Variants in ROR1 observed in about 807,000 individuals in gnomAD.
ROR1 encodes ROR family WNT receptor 1, also known as inactive tyrosine-protein kinase transmembrane receptor ROR1.
In ROR1, 19 loss-of-function variants were observed where a neutral mutation model predicts 78.8. The ratio of observed to expected loss-of-function variants is 0.24; its 90% CI spans 0.17 to 0.35. The LOEUF is 0.35. Among genes scored for constraint, ROR1 ranks in the 10% least tolerant of loss-of-function variants. The pLI is 1.00. For missense variants in ROR1, 917 were observed against 1,177.8 expected (o/e 0.78, Z 3.24); for synonymous variants, 386 against 433.6 (o/e 0.89, Z 1.36).
At chr1:63,846,986 G>T (rs1042299596) in intron 1 of ROR1, among the ~76,000 whole-genome samples, 8 of 152,186 alleles carry the variant, frequency 5.3e-5, no homozygotes, top group African/African-American at 1.9e-4. Context: ...TCTCCTCCAG[G>T]CTGGCTTCCG....
chr1:63,779,831 C>A (rs755307436), intron 1 of ROR1, among the ~76,000 whole-genome samples: 1 of 152,086 alleles, frequency 6.6e-6, no homozygotes, highest in Non-Finnish European at 1.5e-5. Flanking sequence ...CCACACCCCC[C>A]AGAACACCCA....
chr1:63,890,188 A>G (rs1645384441), intron 1 of ROR1, among the ~76,000 whole-genome samples: 1 of 152,040 alleles, frequency 6.6e-6, no homozygotes, highest in African/African-American at 2.4e-5. Context: ...TTTAATGTCC[A>G]TACCAAGCAA....
At chr1:63,823,564 CTCAGCTTCCTGAGTA>C (rs1020788932) in intron 1 of ROR1, among the ~76,000 whole-genome samples, 1 of 151,326 alleles carries the variant, frequency 6.6e-6, no homozygotes, top group African/African-American at 2.4e-5. Context: ...ATCTTCCTGC[CTCAGCTTCCTGAGTA>C]TCTGGGACTA....
chr1:63,833,992 T>TC (rs1305508356), intron 1 of ROR1, among the ~76,000 whole-genome samples: 1 of 101,462 alleles, frequency 9.9e-6, no homozygotes, highest in African/African-American at 3.5e-5. Context: ...TTCTTCTTCT[T>TC]TTTTTTTTTT....
intron 1 of ROR1, among the ~76,000 whole-genome samples, chr1:63,795,092 T>C (rs1644751943): frequency 6.6e-6 from 1 of 152,098 alleles, no homozygotes; most frequent in African/African-American, 2.4e-5. Flanking sequence ...AAGCGGACTT[T>C]GTGGTTGGGA....
intron 2 of ROR1, among the ~76,000 whole-genome samples, chr1:64,012,111 A>G (rs1646480296): frequency 6.6e-6 from 1 of 152,322 alleles, no homozygotes; most frequent in East Asian, 1.9e-4. Flanking sequence ...TACTAGTACA[A>G]TGATCTTTGA....
intron 4 of ROR1, among the ~76,000 whole-genome samples, chr1:64,083,963 T>C (rs1569711558): frequency 2.0e-5 from 3 of 152,334 alleles, no homozygotes; most frequent in Admixed American, 1.3e-4. Flanking sequence ...TGGATCTCTG[T>C]CAAGTACTGG....
At chr1:63,828,117 A>G (rs951724554) in intron 1 of ROR1, among the ~76,000 whole-genome samples, 1 of 152,196 alleles carries the variant, frequency 6.6e-6, no homozygotes, top group Non-Finnish European at 1.5e-5. Context: ...AAAAAATTCC[A>G]CTTAATAAAC....
chr1:64,001,103 G>A (rs1035465461), intron 1 of ROR1, among the ~76,000 whole-genome samples: 2 of 152,168 alleles, frequency 1.3e-5, no homozygotes, highest in Non-Finnish European at 1.5e-5. Context: ...TGTTTGCAGC[G>A]AATGGTTAAA....
chr1:64,150,075 T>A (rs1018629690), intron 7 of ROR1, among the ~76,000 whole-genome samples: 3 of 152,234 alleles, frequency 2.0e-5, no homozygotes, highest in Non-Finnish European at 4.4e-5. Context: ...ATTTTTATAT[T>A]TAAACCATGG....
intron 1 of ROR1, among the ~76,000 whole-genome samples, chr1:63,883,496 A>C (rs1645336960): frequency 6.6e-6 from 1 of 152,166 alleles, no homozygotes; most frequent in Non-Finnish European, 1.5e-5. Flanking sequence ...CCCGGGAAAG[A>C]AGGCACCTTC....
intron 1 of ROR1, among the ~76,000 whole-genome samples, chr1:63,807,318 GTC>G (rs1220632860): frequency 1.3e-5 from 2 of 152,216 alleles, no homozygotes; most frequent in African/African-American, 4.8e-5. Flanking sequence ...TTCAGTGCCT[GTC>G]TCTCTGGGGG....
intron 7 of ROR1, among the ~76,000 whole-genome samples, chr1:64,156,918 A>G (rs1339678989): frequency 6.6e-6 from 1 of 152,104 alleles, no homozygotes; most frequent in Non-Finnish European, 1.5e-5. Flanking sequence ...CCGACGATGG[A>G]ATCCCAGCTT....
chr1:64,000,422 G>A (rs1570038890), intron 1 of ROR1, among the ~76,000 whole-genome samples: 3 of 152,152 alleles, frequency 2.0e-5, no homozygotes, highest in Admixed American at 1.3e-4. Context: ...CATCCATTGA[G>A]TCTCCAGTGG....
chr1:64,021,585 G>A (rs1275583400), intron 2 of ROR1, among the ~76,000 whole-genome samples: 2 of 152,232 alleles, frequency 1.3e-5, no homozygotes, highest in African/African-American at 2.4e-5. Flanking sequence ...TCAAGGTAAA[G>A]TGACGCAGCT....
chr1:64,032,610 G>A lies in ROR1; in HGVS notation c.164-17081G>A, dbSNP rs76579603. Reference sequence around the variant, plus strand: ...CAGACTCCATCCCCTGGTCCTCACTGCACAGCCTTATAACATCATAGCTTC... The same window carrying A: ...CAGACTCCATCCCCTGGTCCTCACTACACAGCCTTATAACATCATAGCTTC... On this transcript the variant is annotated intron_variant, in intron 2 of 8. Coordinates refer to ENST00000371079, the MANE Select transcript of ROR1 (RefSeq NM_005012.4). Among the ~76,000 whole-genome samples, 1,325 of 152,218 alleles carry A rather than the reference G, an allele frequency of 8.7e-3. 11 individuals carry two copies. The highest frequency in any genetic ancestry group is 0.017 in the South Asian group (81 of 4,824).
chr1:64,059,272 A>G (rs1323015483), intron 4 of ROR1, among the ~76,000 whole-genome samples: 1 of 152,076 alleles, frequency 6.6e-6, no homozygotes, highest in Admixed American at 6.5e-5. Context: ...TGAAAACTGG[A>G]TATTGAAATA....
At chr1:63,974,752 C>T (rs968278137) in intron 1 of ROR1, among the ~76,000 whole-genome samples, 1 of 152,190 alleles carries the variant, frequency 6.6e-6, no homozygotes, top group African/African-American at 2.4e-5. Flanking sequence ...ATCCTCCTGC[C>T]TCAGCCTCCT....
chr1:64,023,930 G>A (rs1046532774), intron 2 of ROR1, among the ~76,000 whole-genome samples: 10 of 152,104 alleles, frequency 6.6e-5, no homozygotes, highest in African/African-American at 1.7e-4. Flanking sequence ...TCATGGGCGC[G>A]GTTTTCCCCA....
Sources: gnomAD v4.1 joint callset for allele counts (sites outside exome capture counted in the v4.1 genomes callset) on GRCh38, gnomAD v4.1.1 for gene constraint, MANE v1.5 for transcripts, NCBI Gene and HGNC (gene_info 2026-07-23, HGNC 2026-07-21) for gene names.